BTBD10: variants seen among roughly 807,000 people sequenced by gnomAD.
BTBD10 encodes the protein BTB/POZ domain-containing protein 10.
In BTBD10, 21 loss-of-function variants were observed where a neutral mutation model predicts 53.2. The observed-to-expected ratio is 0.39, with a 90% CI of 0.28 to 0.57. The LOEUF (loss-of-function observed/expected upper bound fraction) is 0.57, where lower values mean the gene tolerates loss of function less well. Among genes scored for constraint, BTBD10 ranks in the 20% least tolerant of loss-of-function variants. The pLI is 0.53. For synonymous variants in BTBD10, 149 were observed against 192.7 expected (o/e 0.77, Z 1.88); for missense variants, 360 against 594.7 (o/e 0.61, Z 4.10).
chr11:13,450,205 G>A (rs534260934), intron 1 of BTBD10, among the ~76,000 whole-genome samples: 2 of 152,176 alleles, frequency 1.3e-5, no homozygotes, highest in East Asian at 1.9e-4. Context: ...ATATATGGAT[G>A]GTAAAGACTG....
chr11:13,457,830 GGAAGCAATTATCACT>G (rs1209097342), intron 1 of BTBD10, among the ~76,000 whole-genome samples: 2 of 152,072 alleles, frequency 1.3e-5, no homozygotes, highest in Non-Finnish European at 2.9e-5. Flanking sequence ...ATTTCTGACT[GGAAGCAATTATCACT>G]GAGTCATGGG....
intron 8 of BTBD10, among the ~76,000 whole-genome samples, chr11:13,391,815 G>T (rs1949413945): frequency 1.3e-5 from 2 of 152,204 alleles, no homozygotes; most frequent in African/African-American, 4.8e-5. Flanking sequence ...GTGGTGGCGT[G>T]CGCCTGTAGT....
intron 2 of BTBD10, among the ~76,000 whole-genome samples, chr11:13,443,600 C>CT (rs140559255): frequency 0.16 from 24,553 of 149,044 alleles, 2,071 homozygotes; most frequent in Admixed American, 0.24. Context: ...AAAACCAATA[C>CT]TTTTTTTTTT....
chr11:13,450,370 A>T (rs1219775600), intron 1 of BTBD10, among the ~76,000 whole-genome samples: 2 of 152,204 alleles, frequency 1.3e-5, no homozygotes, highest in African/African-American at 4.8e-5. Flanking sequence ...AATGTTCACA[A>T]AGTTAATTTT....
intron 2 of BTBD10, among the ~76,000 whole-genome samples, chr11:13,422,311 G>C (rs191610949): frequency 4.6e-5 from 7 of 152,212 alleles, no homozygotes; most frequent in South Asian, 2.1e-4. Context: ...TTTCAGTTGA[G>C]CCTTTTCAAA....
chr11:13,391,361 A>G (rs1274183524), intron 8 of BTBD10, among the ~76,000 whole-genome samples: 1 of 152,162 alleles, frequency 6.6e-6, no homozygotes, highest in Non-Finnish European at 1.5e-5. Flanking sequence ...AAAAACATTA[A>G]GACTCTCCAC....
chr11:13,447,301 G>C (rs1342378965), intron 1 of BTBD10, among the ~76,000 whole-genome samples: 1 of 152,080 alleles, frequency 6.6e-6, no homozygotes, highest in African/African-American at 2.4e-5. Flanking sequence ...CTGTCACCCA[G>C]AGTGGAGTAC....
At chr11:13,461,890 A>G (rs1482404802) in intron 1 of BTBD10, among the ~76,000 whole-genome samples, 3 of 151,902 alleles carry the variant, frequency 2.0e-5, no homozygotes, top group Non-Finnish European at 4.4e-5. Context: ...GGGAAAATTT[A>G]TAAAACACAT....
At chr11:13,430,790 A>G (rs779924690) in intron 2 of BTBD10, among the ~76,000 whole-genome samples, 1 of 152,168 alleles carries the variant, frequency 6.6e-6, no homozygotes, top group Non-Finnish European at 1.5e-5. Flanking sequence ...ACCACAAAAA[A>G]TAAATTATAT....
At chr11:13,403,102 A>G (rs957744437) in intron 8 of BTBD10, 66 bp downstream of exon 8, 2 of 982,078 alleles carry the variant, frequency 2.0e-6, no homozygotes, top group Non-Finnish European at 3.0e-6. Flanking sequence ...TCTAAATAAG[A>G]TCCAATTGTT....
At chr11:13,401,865 TCTC>T (rs930595990) in intron 8 of BTBD10, among the ~76,000 whole-genome samples, 7 of 152,266 alleles carry the variant, frequency 4.6e-5, no homozygotes, top group African/African-American at 9.6e-5. Flanking sequence ...TCTCTTCAAA[TCTC>T]CTCCTCATTT....
intron 8 of BTBD10, among the ~76,000 whole-genome samples, chr11:13,394,711 AAC>A (rs1949495095): frequency 9.0e-6 from 1 of 111,536 alleles, no homozygotes; most frequent in Non-Finnish European, 1.9e-5. Context: ...CCAACCCCAC[AAC>A]AGTCCCGTGT....
chr11:13,430,445 T>C (rs1950425773), intron 2 of BTBD10, among the ~76,000 whole-genome samples: 1 of 152,176 alleles, frequency 6.6e-6, no homozygotes, highest in African/African-American at 2.4e-5. Flanking sequence ...ACAACCATTT[T>C]AGAAACTGTT....
At chr11:13,461,117 T>C (rs1951085765) in intron 1 of BTBD10, among the ~76,000 whole-genome samples, 1 of 152,196 alleles carries the variant, frequency 6.6e-6, no homozygotes, top group South Asian at 2.1e-4. Context: ...ACCCCTTAAG[T>C]TTGAAACTCC....
intron 4 of BTBD10, 78 bp from the exon 5 acceptor site, chr11:13,417,338 A>C (rs2135815264): frequency 9.7e-7 from 1 of 1,033,796 alleles, no homozygotes; most frequent in East Asian, 2.5e-5. Context: ...TGTACAAAAG[A>C]AAAAAGGAAT....
At chr11:13,406,738 C>T (rs1009899162) in intron 6 of BTBD10, among the ~76,000 whole-genome samples, 1 of 151,638 alleles carries the variant, frequency 6.6e-6, no homozygotes, top group Non-Finnish European at 1.5e-5. Context: ...AGCTTTTCCT[C>T]CCTACAAGAT....
intron 2 of BTBD10, among the ~76,000 whole-genome samples, chr11:13,423,587 T>G (rs1022326584): frequency 6.6e-6 from 1 of 152,224 alleles, no homozygotes; most frequent in Admixed American, 6.5e-5. Context: ...TTTTGAGTCA[T>G]TCCAGTGCCC....
chr11:13,432,290 G>A (rs1490151047), intron 2 of BTBD10, among the ~76,000 whole-genome samples: 3 of 151,980 alleles, frequency 2.0e-5, no homozygotes, highest in African/African-American at 7.3e-5. Context: ...ATTGTGGTGG[G>A]AGTTACATGA....
chr11:13,417,684 T>C (rs1407432463), intron 4 of BTBD10, among the ~76,000 whole-genome samples: 1 of 152,188 alleles, frequency 6.6e-6, no homozygotes, highest in African/African-American at 2.4e-5. Context: ...CAGCACATAA[T>C]AGCAAGCTAA....
Sources: allele counts gnomAD v4.1 joint callset (sites outside exome capture counted in the v4.1 genomes callset), GRCh38; gene constraint gnomAD v4.1.1; transcripts MANE v1.5; gene names NCBI Gene and HGNC (gene_info 2026-07-23, HGNC 2026-07-21).